FLT3: variants seen among roughly 807,000 people sequenced by gnomAD.
FLT3 encodes fms related receptor tyrosine kinase 3, also known as receptor-type tyrosine-protein kinase FLT3.
A neutral mutation model predicts 126.6 loss-of-function variants in FLT3; 46 were observed. That is an observed-to-expected ratio of 0.36 (90% CI 0.29 to 0.46). The LOEUF (loss-of-function observed/expected upper bound fraction) is 0.46. FLT3 is among the 20% of genes least tolerant of loss of function. The pLI is 1.00. For synonymous variants in FLT3, 404 were observed against 434.4 expected, an observed-to-expected ratio of 0.93 and a Z score of 0.87; for missense variants, 1,069 against 1,190.3, an observed-to-expected ratio of 0.90 and a Z score of 1.50.
At position 28,028,169 on chromosome 13, in the gene FLT3, G is replaced by T. The variant is rs751879706; in HGVS notation, c.2053+9C>A. 4.2e-6 allele frequency: 6 copies of T among 1,435,032 alleles called. No homozygotes were observed. Among genetic ancestry groups the T allele is most frequent in the Non-Finnish European group, 5.9e-6 (6 of 1,017,316 alleles). The allele number at this position is 1,435,032 out of a possible 1,614,324, so 88.9% of individuals were successfully genotyped here. ...TTTTGATGAGGTGATTTTCGTGGAAGTGGGTTACCTGACAGTGTGCACGCC... is the reference window on the plus strand; with the variant it reads ...TTTTGATGAGGTGATTTTCGTGGAATTGGGTTACCTGACAGTGTGCACGCC... On this transcript the variant is annotated intron_variant, in intron 16 of 23. Transcript: ENST00000241453.
chr13:28,090,380 G>A (rs1878958611), intron 1 of FLT3, among the ~76,000 whole-genome samples: 1 of 152,186 alleles, frequency 6.6e-6, no homozygotes, highest in African/African-American at 2.4e-5. Flanking sequence ...TATCTTGGTA[G>A]TGGTGGCAGT....
At chr13:28,005,457 C>G (rs1457535947) in intron 23 of FLT3, among the ~76,000 whole-genome samples, 1 of 152,148 alleles carries the variant, frequency 6.6e-6, no homozygotes, top group African/African-American at 2.4e-5. Flanking sequence ...TTTGAATTAT[C>G]AATATATTGT....
At position 28,062,016 on chromosome 13, in the gene FLT3, C is replaced by T; in HGVS notation, c.219G>A (p.Gly73=). Residue 73 remains glycine, a synonymous_variant, in exon 3 of 24, where the codon GGG becomes GGA. Coordinates refer to ENST00000241453, the MANE Select transcript of FLT3 (RefSeq NM_004119.3). ...CCACAGCGGCAGCTTCGTACACTGTCCCTGAGCTCTGGGGTCTCAACGCAC... is the reference window on the plus strand; with the variant it reads ...CCACAGCGGCAGCTTCGTACACTGTTCCTGAGCTCTGGGGTCTCAACGCAC... ...LGCALRPQSS[G]TVYEAAAVEV... is the part of the protein sequence containing the mutation. The T allele has an allele frequency of 6.2e-7, 1 of 1,613,124 alleles. No homozygotes were observed. Among genetic ancestry groups the T allele is most frequent in the Non-Finnish European group, 8.5e-7 (1 of 1,180,012 alleles).
At chr13:28,086,619 C>CGTGTGTGTGT (rs35797346) in intron 1 of FLT3, among the ~76,000 whole-genome samples, 1,593 of 134,780 alleles carry the variant, frequency 0.012, 28 homozygotes, top group African/African-American at 0.032. Flanking sequence ...CTGAAGAACT[C>CGTGTGTGTGT]GTGTGTGTGT....
At chr13:28,087,174 A>G (rs1878729321) in intron 1 of FLT3, among the ~76,000 whole-genome samples, 1 of 152,042 alleles carries the variant, frequency 6.6e-6, no homozygotes, top group Non-Finnish European at 1.5e-5. Context: ...GGCTCTAGCA[A>G]TCCTCCTACC....
intron 12 of FLT3, among the ~76,000 whole-genome samples, chr13:28,034,795 A>G (rs540668137): frequency 6.6e-6 from 1 of 152,266 alleles, no homozygotes; most frequent in African/African-American, 2.4e-5. Flanking sequence ...TCTCTAAAAA[A>G]ATTCAAAAAT....
intron 19 of FLT3, among the ~76,000 whole-genome samples, chr13:28,021,261 A>G (rs2504229): frequency 0.91 from 138,150 of 152,080 alleles, 63,344 homozygotes; most frequent in Non-Finnish European, 0.97. Context: ...GTGGTGGTGC[A>G]CACCTGTAAC....
chr13:28,027,983 T>C (rs1872960502), intron 16 of FLT3, among the ~76,000 whole-genome samples, 195 bp downstream of exon 16: 1 of 152,220 alleles, frequency 6.6e-6, no homozygotes, highest in African/African-American at 2.4e-5. Context: ...AGCAGATGAA[T>C]GAGGCATTCT....
intron 1 of FLT3, among the ~76,000 whole-genome samples, chr13:28,099,928 G>T (rs1465185488): frequency 2.6e-5 from 4 of 152,170 alleles, no homozygotes; most frequent in African/African-American, 9.7e-5. Context: ...GCGGGGCTGG[G>T]GGGTATCGTT....
intron 1 of FLT3, among the ~76,000 whole-genome samples, chr13:28,089,933 G>A (rs1263024377): frequency 6.6e-6 from 1 of 151,552 alleles, no homozygotes; most frequent in Non-Finnish European, 1.5e-5. Flanking sequence ...TAGAGATAAG[G>A]TTTCACCATG....
intron 1 of FLT3, among the ~76,000 whole-genome samples, chr13:28,073,905 A>G (rs1036716357): frequency 1.3e-5 from 2 of 148,246 alleles, no homozygotes; most frequent in African/African-American, 5.0e-5. Flanking sequence ...ACGCCTCTGC[A>G]CTCCAGCCTG....
chr13:28,055,255 A>T (rs1875904620), intron 4 of FLT3, among the ~76,000 whole-genome samples: 1 of 152,208 alleles, frequency 6.6e-6, no homozygotes, highest in African/African-American at 2.4e-5. Flanking sequence ...CTCAAATCCC[A>T]AAAGAATTTC....
chr13:28,054,334 A>C (rs1389860687), intron 4 of FLT3, among the ~76,000 whole-genome samples: 1 of 152,126 alleles, frequency 6.6e-6, no homozygotes, highest in East Asian at 1.9e-4. Flanking sequence ...ACATGTGTTA[A>C]AATAATTAAT....
At chr13:28,092,367 T>C (rs1593309901) in intron 1 of FLT3, among the ~76,000 whole-genome samples, 2 of 151,930 alleles carry the variant, frequency 1.3e-5, no homozygotes, top group African/African-American at 4.8e-5. Flanking sequence ...CCAACCCTTA[T>C]ATTTTGACTG....
intron 10 of FLT3, among the ~76,000 whole-genome samples, chr13:28,036,919 G>C (rs546333061): frequency 2.0e-5 from 3 of 152,186 alleles, no homozygotes; most frequent in African/African-American, 7.2e-5. Context: ...GAAGCTACAG[G>C]GATCTATGAT....
At position 28,076,945 on chromosome 13, in the gene FLT3, G is replaced by C. The variant is rs544872488; in HGVS notation, c.44-6333C>G. 2.1e-5 allele frequency among the ~76,000 whole-genome samples: 3 copies of C among 141,582 alleles called. No individual in the cohort carries two copies. In the East Asian group the frequency reaches 6.8e-4, roughly 32 times the overall value. 92.9% of individuals were successfully genotyped at this position (141,582 alleles called of 152,430 possible). A position where few individuals can be genotyped will look rare whatever the true frequency, so the allele number is the denominator to read the frequency against. On this transcript the variant is annotated intron_variant, in intron 1 of 23. Transcript: ENST00000241453. ...CCTGTCTCTGGGTGACAGAGCAAGA[G>C]GGAAGGAAGGAAGGAAAGAAGGAAG... is the stretch of plus-strand genomic sequence containing the variant.
At chr13:28,080,357 CAG>C (rs567406192) in intron 1 of FLT3, among the ~76,000 whole-genome samples, 3 of 152,182 alleles carry the variant, frequency 2.0e-5, no homozygotes, top group South Asian at 2.1e-4. Context: ...GCCTTGGTGA[CAG>C]AGAGAGACTC....
intron 9 of FLT3, among the ~76,000 whole-genome samples, chr13:28,046,160 G>A (rs997310782): frequency 6.6e-6 from 1 of 152,050 alleles, no homozygotes; most frequent in African/African-American, 2.4e-5. Context: ...TGAGTTTGGG[G>A]GAGTGTGTTT....
intron 2 of FLT3, among the ~76,000 whole-genome samples, chr13:28,064,797 A>G (rs1876871774): frequency 6.6e-6 from 1 of 152,188 alleles, no homozygotes; most frequent in Non-Finnish European, 1.5e-5. Flanking sequence ...CTGGAGAAGA[A>G]TTTGGCAATA....
Sources: allele counts gnomAD v4.1 joint callset (sites outside exome capture counted in the v4.1 genomes callset), GRCh38; gene constraint gnomAD v4.1.1; transcripts MANE v1.5; gene names NCBI Gene and HGNC (gene_info 2026-07-23, HGNC 2026-07-21).